The following PPP4R4 variants were observed in gnomAD, a reference collection of about 807,000 sequenced individuals.
PPP4R4 encodes the protein protein phosphatase 4 regulatory subunit 4.
In PPP4R4, 70 loss-of-function variants were observed where a neutral mutation model predicts 121.8. The observed-to-expected ratio is 0.57, with a 90% CI of 0.47 to 0.70. The LOEUF (loss-of-function observed/expected upper bound fraction) is 0.70, where lower values mean the gene tolerates loss of function less well. Ranked by LOEUF, PPP4R4 falls within the 30% of genes least tolerant of loss-of-function variation. The pLI, the probability that PPP4R4 is intolerant of heterozygous loss-of-function variation, is 0.00. For synonymous variants in PPP4R4, 348 were observed against 355.7 expected (o/e 0.98, Z 0.24); for missense variants, 875 against 1,033.6 (o/e 0.85, Z 2.10).
chr14:94,211,651 T>A (rs571897776), intron 3 of PPP4R4, among the ~76,000 whole-genome samples: 3 of 152,300 alleles, frequency 2.0e-5, no homozygotes, highest in African/African-American at 7.2e-5. Flanking sequence ...AGGCAGTGAC[T>A]TAATTGTGTT....
chr14:94,240,884 T>C, intron 9 of PPP4R4, 89 bp downstream of exon 9: 2 of 1,371,642 alleles, frequency 1.5e-6, no homozygotes, highest in East Asian at 2.7e-5. Flanking sequence ...CTTCAGTTAA[T>C]TGTAAAGCCT....
At chr14:94,260,926 T>A (rs1177060438) in intron 19 of PPP4R4, among the ~76,000 whole-genome samples, 6 of 152,102 alleles carry the variant, frequency 3.9e-5, no homozygotes, top group African/African-American at 1.4e-4. Context: ...CTTTTAAAAA[T>A]TTTCATTTTA....
rs141778515 is a variant in PPP4R4, at chr14:94,230,321, T to C, written c.295-266T>C. ...CTACTCTGTTGCTTAAAGGTTTATG[T>C]ACTGTTTATAATTTTTATTCAATAA... On this transcript the variant is annotated intron_variant, in intron 3 of 24. Transcript: ENST00000304338. 6.6e-3 allele frequency among the ~76,000 whole-genome samples: 1,005 copies of C among 152,342 alleles called. 12 individuals carry two copies. The highest frequency in any genetic ancestry group is 0.022 in the African/African-American group (899 of 41,584).
intron 14 of PPP4R4, among the ~76,000 whole-genome samples, chr14:94,246,958 G>T (rs564602700): frequency 6.6e-6 from 1 of 152,282 alleles, no homozygotes; most frequent in African/African-American, 2.4e-5. Context: ...ATGCTGTTTT[G>T]CCAAGGCACC....
intron 20 of PPP4R4, 118 bp downstream of exon 20, chr14:94,265,065 A>G (rs1893968119): frequency 1.0e-6 from 1 of 978,038 alleles, no homozygotes; most frequent in Admixed American, 2.8e-5. Flanking sequence ...ACTTTCTTTC[A>G]TTTTTGAAAA....
At position 94,241,811 on chromosome 14, in the gene PPP4R4, T is replaced by G; in HGVS notation, c.1000T>G (p.Leu334Val). ...AGGAATTTTCACTCCAGATCAGCAC[T>G]TGAGATTTTTGGAATTTTATAAGAA... ...LYGIFTPDQHLRFLEFYKKLC... is the reference protein window; with the variant it reads ...LYGIFTPDQHVRFLEFYKKLC... The change falls in exon 10 of 25, where the codon TTG becomes GTG. Residue 334 changes from leucine (L) to valine (V), a missense_variant. Coordinates refer to ENST00000304338, the MANE Select transcript of PPP4R4 (RefSeq NM_058237.2). 1 of 1,595,256 alleles carries G rather than the reference T, an allele frequency of 6.3e-7. No homozygotes were observed. The highest frequency in any genetic ancestry group is 8.5e-7 in the Non-Finnish European group (1 of 1,174,748).
intron 16 of PPP4R4, among the ~76,000 whole-genome samples, chr14:94,253,359 C>T (rs953031383): frequency 2.0e-4 from 30 of 152,268 alleles, no homozygotes; most frequent in African/African-American, 7.2e-4. Flanking sequence ...ACTTGGGAGG[C>T]TGAGGCAGGA....
At chr14:94,255,709 T>A (rs780587696) in intron 16 of PPP4R4, among the ~76,000 whole-genome samples, 1 of 152,198 alleles carries the variant, frequency 6.6e-6, no homozygotes, top group Non-Finnish European at 1.5e-5. Context: ...TTGTAAGAGC[T>A]TTTCCTATTG....
At chr14:94,214,158 T>C (rs776543908) in intron 3 of PPP4R4, among the ~76,000 whole-genome samples, 1 of 152,156 alleles carries the variant, frequency 6.6e-6, no homozygotes, top group African/African-American at 2.4e-5. Flanking sequence ...AATATAAATA[T>C]CTACCTGAAA....
rs1215086333 is a variant in PPP4R4 at position 94,246,537 on chromosome 14, A to G, written c.1609A>G (p.Asn537Asp). Residue 537 changes from asparagine to aspartate, a missense_variant and splice_region_variant, in exon 14 of 25, where the codon AAT becomes GAT. Asn to Asp is a conservative substitution (Grantham distance 23). Transcript: ENST00000304338. ...AAGAATGTTCACAATCATGATGACA[A>G]ATGTGAGCTCAGTACCTTTCATCTT... ...LQRMFTIMMT[N>D]NVLPVQKAAS... 1 of 1,610,530 alleles carries G rather than the reference A, an allele frequency of 6.2e-7. No individual in the cohort carries two copies. The highest frequency in any genetic ancestry group is 1.1e-5 in the South Asian group (1 of 90,642).
At chr14:94,251,374 T>C (rs1026071585) in intron 15 of PPP4R4, among the ~76,000 whole-genome samples, 4 of 152,068 alleles carry the variant, frequency 2.6e-5, no homozygotes, top group African/African-American at 7.2e-5. Flanking sequence ...TAAATCTTAG[T>C]ATCCTTATCT....
chr14:94,215,461 C>A (rs570878475), intron 3 of PPP4R4, among the ~76,000 whole-genome samples: 71 of 152,230 alleles, frequency 4.7e-4, no homozygotes, highest in African/African-American at 1.7e-3. Context: ...GCATAATAAG[C>A]AGATCATGAT....
In PPP4R4 at chr14:94,251,738, G is replaced by A; in HGVS notation, c.1718-11G>A. The A allele has an allele frequency of 1.3e-6, 2 of 1,518,492 alleles. No homozygotes were observed. The highest frequency in any genetic ancestry group is 1.8e-6 in the Non-Finnish European group (2 of 1,134,348). 94.1% of individuals were successfully genotyped at this position (1,518,492 alleles called of 1,614,324 possible). On this transcript the variant is annotated splice_polypyrimidine_tract_variant and intron_variant, in intron 15 of 24. Transcript: ENST00000304338. ...AAATTAACTTAAGATAATTTTTGTT[G>A]TTGTTTCTAGAATTGGGCCAAGGAA... is the stretch of plus-strand genomic sequence containing the variant.
intron 13 of PPP4R4, 97 bp downstream of exon 13, chr14:94,245,767 T>A: frequency 1.3e-6 from 1 of 790,380 alleles, no homozygotes; most frequent in Non-Finnish European, 2.0e-6. Context: ...TTGGAAAACT[T>A]GTAAAATAGT....
chr14:94,233,544 G>T, intron 5 of PPP4R4, 109 bp from the exon 6 acceptor site: 1 of 661,406 alleles, frequency 1.5e-6, no homozygotes, highest in East Asian at 2.8e-5. Context: ...TCGTAATTCA[G>T]GTTCTTTAAA....
chr14:94,224,445 C>T (rs1293938337), intron 3 of PPP4R4, among the ~76,000 whole-genome samples: 1 of 152,052 alleles, frequency 6.6e-6, no homozygotes, highest in Non-Finnish European at 1.5e-5. Context: ...TGGAAGTAGC[C>T]TGGTTGGAGA....
chr14:94,237,039 A>G (rs1892383713), intron 7 of PPP4R4, among the ~76,000 whole-genome samples: 1 of 152,156 alleles, frequency 6.6e-6, no homozygotes, highest in Non-Finnish European at 1.5e-5. Flanking sequence ...TAAATATTGT[A>G]TACTCCCTAA....
At chr14:94,244,493 A>G (rs887734307) in intron 11 of PPP4R4, 142 bp from the exon 12 acceptor site, 28 of 648,472 alleles carry the variant, frequency 4.3e-5, no homozygotes, top group Non-Finnish European at 6.3e-5. Context: ...TAATTTTTAT[A>G]GAATCTAATT....
intron 4 of PPP4R4, among the ~76,000 whole-genome samples, 183 bp downstream of exon 4, chr14:94,230,917 T>C (rs1027258099): frequency 6.6e-6 from 1 of 152,168 alleles, no homozygotes; most frequent in African/African-American, 2.4e-5. Context: ...AAATTTAATA[T>C]CCTTGAAAGC....
Sources: allele counts gnomAD v4.1 joint callset (sites outside exome capture counted in the v4.1 genomes callset), GRCh38; gene constraint gnomAD v4.1.1; transcripts MANE v1.5; gene names NCBI Gene and HGNC (gene_info 2026-07-23, HGNC 2026-07-21).